Variants in CCNQ observed in about 807,000 individuals in gnomAD.
CCNQ encodes cyclin-Q.
Under a neutral mutation model 17.7 loss-of-function variants are expected in CCNQ, and 3 were observed. That is an observed-to-expected ratio of 0.17 (90% confidence interval 0.08 to 0.44). CCNQ has a LOEUF of 0.44. Ranked by LOEUF, CCNQ falls within the 20% of genes least tolerant of loss-of-function variation. CCNQ has a pLI of 0.99. For missense variants in CCNQ, 146 were observed against 222.6 expected (o/e 0.66, Z 2.19); for synonymous variants, 73 against 96.0 (o/e 0.76, Z 1.40).
At chrX:153,594,779 A>G (rs1198238323) in intron 2 of CCNQ, 100 bp from the exon 3 acceptor site, 72 of 916,509 alleles carry the variant, frequency 7.9e-5, no homozygotes, top group Non-Finnish European at 1.0e-4. Flanking sequence ...TGCAAACTAC[A>G]TCGTCCATCT....
intron 1 of CCNQ, 31 bp downstream of exon 1, chrX:153,598,931 G>A: frequency 1.9e-6 from 2 of 1,051,501 alleles, no homozygotes; most frequent in Non-Finnish European, 2.5e-6. Context: ...CCGCGGCGCC[G>A]CCTGTCCTGG....
At chrX:153,592,457 C>T in intron 4 of CCNQ, 49 bp downstream of exon 4, 3 of 1,139,560 alleles carry the variant, frequency 2.6e-6, no homozygotes, top group Non-Finnish European at 3.6e-6. Flanking sequence ...AATACAGAGA[C>T]TTCCAGAGGG....
At chrX:153,592,464 A>G in intron 4 of CCNQ, 42 bp downstream of exon 4, 1 of 1,159,317 alleles carries the variant, frequency 8.6e-7, no homozygotes, top group Non-Finnish European at 1.2e-6. Context: ...AGACTTCCAG[A>G]GGGAAAGGGG....
chrX:153,598,315 G>C (rs782718477), intron 1 of CCNQ, among the ~76,000 whole-genome samples: 21 of 111,337 alleles, frequency 1.9e-4, no homozygotes, highest in African/African-American at 6.9e-4. Context: ...ACTCGGAAGC[G>C]TGAGGAAGGA....
chrX:153,588,543 G>T, intron 4 of CCNQ, 89 bp from the exon 5 acceptor site: 1 of 683,629 alleles, frequency 1.5e-6, no homozygotes, highest in Non-Finnish European at 2.4e-6. Context: ...ACATTTCATG[G>T]GCAGGGGAGG....
chrX:153,590,863 CCTT>C (rs2090986461), intron 4 of CCNQ, among the ~76,000 whole-genome samples: 1 of 111,650 alleles, frequency 9.0e-6, no homozygotes, highest in Non-Finnish European at 1.9e-5. Flanking sequence ...GGCAGGTTCT[CCTT>C]CTGCTCAGGA....
chrX:153,589,901 C>T (rs781805721), intron 4 of CCNQ, among the ~76,000 whole-genome samples: 173 of 111,277 alleles, frequency 1.6e-3, no homozygotes, highest in Non-Finnish European at 2.4e-3. Flanking sequence ...CCTGTGTGCT[C>T]CTGGAGACCC....
In CCNQ at chrX:153,598,153, C is replaced by T. The variant is rs782079115; in HGVS notation, c.112+809G>A. Among the ~76,000 whole-genome samples, 5 of 111,382 alleles carry T rather than the reference C, an allele frequency of 4.5e-5. No individual in the cohort carries two copies. In the Admixed American group the frequency reaches 4.8e-4, roughly 11 times the overall value. On this transcript the variant is annotated intron_variant, in intron 1 of 4. Coordinates refer to ENST00000576892, the MANE Select transcript of CCNQ (RefSeq NM_152274.5). Reference sequence around the variant, plus strand: ...TTGATGGGCCGGACGAGGTAGCTCACGCCTGTAATCCCAGCACTTTGGGAG... The same window carrying T: ...TTGATGGGCCGGACGAGGTAGCTCATGCCTGTAATCCCAGCACTTTGGGAG...
chrX:153,591,579 A>T (rs1472624493), intron 4 of CCNQ, among the ~76,000 whole-genome samples: 1 of 111,321 alleles, frequency 9.0e-6, no homozygotes, highest in Non-Finnish European at 1.9e-5. Context: ...CACACCCACC[A>T]GATGTCCCCA....
intron 4 of CCNQ, among the ~76,000 whole-genome samples, chrX:153,590,570 A>G (rs2090984648): frequency 9.0e-6 from 1 of 111,696 alleles, no homozygotes; most frequent in Non-Finnish European, 1.9e-5. Context: ...AAGATGAACA[A>G]TTTCTGCGGC....
At chrX:153,593,048 C>T (rs149121879) in intron 3 of CCNQ, among the ~76,000 whole-genome samples, 385 of 112,461 alleles carry the variant, frequency 3.4e-3, no homozygotes, top group African/African-American at 0.011. Context: ...CACCACAGGG[C>T]CCGCTCTGGC....
intron 3 of CCNQ, among the ~76,000 whole-genome samples, chrX:153,594,034 T>A (rs1170585883): frequency 3.5e-5 from 4 of 113,169 alleles, no homozygotes; most frequent in Admixed American, 1.9e-4. Flanking sequence ...TCCCTTTTAC[T>A]GCTGTTTGAA....
intron 2 of CCNQ, among the ~76,000 whole-genome samples, chrX:153,595,580 C>A (rs1388261276): frequency 8.8e-6 from 1 of 113,321 alleles, no homozygotes. Flanking sequence ...GCCATGCCCA[C>A]GCCACACCCA....
At chrX:153,589,459 T>A (rs782543062) in intron 4 of CCNQ, among the ~76,000 whole-genome samples, 2 of 113,300 alleles carry the variant, frequency 1.8e-5, no homozygotes, top group Non-Finnish European at 3.7e-5. Context: ...GTAACCTGTG[T>A]CCTTTCCTTG....
chrX:153,598,859 T>C (rs1198605536), intron 1 of CCNQ, 103 bp downstream of exon 1: 1 of 564,949 alleles, frequency 1.8e-6, no homozygotes, highest in African/African-American at 2.5e-5. Flanking sequence ...CTTCCCGGCC[T>C]CTGCTACGGT....
intron 2 of CCNQ, among the ~76,000 whole-genome samples, chrX:153,595,600 G>A (rs1030498585): frequency 6.2e-5 from 7 of 112,978 alleles, no homozygotes; most frequent in Non-Finnish European, 1.1e-4. Context: ...ACAGCAGGGC[G>A]AGGCTCCTAA....
intron 4 of CCNQ, 23 bp downstream of exon 4, chrX:153,592,483 A>G: frequency 1.7e-6 from 2 of 1,192,267 alleles, no homozygotes; most frequent in South Asian, 1.8e-5. Context: ...GGGCACGTCC[A>G]GTGTGCCAAG....
chrX:153,595,409 C>T (rs1046931350), intron 2 of CCNQ, among the ~76,000 whole-genome samples: 1 of 113,949 alleles, frequency 8.8e-6, no homozygotes, highest in Non-Finnish European at 1.9e-5. Flanking sequence ...TGAGCCACCA[C>T]GTCCAGCCAT....
Position 153,596,179 on chromosome X carries a change from G to A in CCNQ, c.121C>T (p.Leu41=). Residue 41 remains leucine, a synonymous_variant, in exon 2 of 5, where the codon CTA becomes TTA. Coordinates refer to ENST00000576892, the MANE Select transcript of CCNQ (RefSeq NM_152274.5). Reference sequence around the variant, plus strand: ...GCAATGGGAATGGACCGCATCCCTAGCTTGACACCTGCGGAGAGAAAGCAG... The same window carrying A: ...GCAATGGGAATGGACCGCATCCCTAACTTGACACCTGCGGAGAGAAAGCAG... ...ARFIMEAGVK[L]GMRSIPIATA... is the part of the protein sequence containing the mutation. 8.2e-7 allele frequency: 1 copy of A among 1,212,135 alleles called. No individual in the cohort carries two copies. The highest frequency in any genetic ancestry group is 1.1e-6 in the Non-Finnish European group (1 of 895,501).
Sources: allele counts gnomAD v4.1 joint callset (sites outside exome capture counted in the v4.1 genomes callset), GRCh38; gene constraint gnomAD v4.1.1; transcripts MANE v1.5; gene names NCBI Gene and HGNC (gene_info 2026-07-23, HGNC 2026-07-21).